AFF3: variants seen among roughly 807,000 people sequenced by gnomAD.
The protein encoded by AFF3 is ALF transcription elongation factor 3.
In AFF3, 32 loss-of-function variants were observed where a neutral mutation model predicts 129.7. The observed-to-expected ratio is 0.25, with a 90% CI of 0.19 to 0.33. The LOEUF (loss-of-function observed/expected upper bound fraction) is 0.33. Ranked by LOEUF, AFF3 falls within the 10% of genes least tolerant of loss-of-function variation. The pLI is 1.00. For missense variants in AFF3, 1,373 were observed against 1,592.0 expected (o/e 0.86, Z 2.34); for synonymous variants, 644 against 635.4 (o/e 1.01, Z -0.20).
chr2:100,104,787 C>CCCGCCGCCGCCGCCGCCG (rs1458414580), intron 3 of AFF3: 1 of 819,226 alleles, frequency 1.2e-6, no homozygotes, highest in Non-Finnish European at 1.4e-6. Flanking sequence ...GGCGGCCCGG[C>CCCGCCGCCGCCGCCGCCG]CCGCTGCTGC....
intron 13 of AFF3, among the ~76,000 whole-genome samples, chr2:99,611,330 A>G (rs1680898381): frequency 6.6e-6 from 1 of 152,126 alleles, no homozygotes; most frequent in Admixed American, 6.5e-5. Context: ...TTTCTCATTC[A>G]AGTTGAGATT....
At chr2:99,725,064 G>A (rs550006256) in intron 11 of AFF3, among the ~76,000 whole-genome samples, 1 of 151,526 alleles carries the variant, frequency 6.6e-6, no homozygotes, top group African/African-American at 2.4e-5. Context: ...TCCGCCTCCC[G>A]GGTTCAAGTG....
intron 13 of AFF3, among the ~76,000 whole-genome samples, chr2:99,619,215 GT>G (rs1575522882): frequency 1.3e-5 from 2 of 152,328 alleles, no homozygotes; most frequent in East Asian, 3.9e-4. Context: ...TCTCTCCTGT[GT>G]TTAAAGCAAA....
chr2:99,583,000 C>G lies in AFF3; in HGVS notation c.2592-1G>C, dbSNP rs752013362. 6.2e-7 allele frequency: 1 copy of G among 1,613,458 alleles called. No homozygotes were observed. The highest frequency in any genetic ancestry group is 1.1e-5 in the South Asian group (1 of 91,070). On this transcript the variant is annotated splice_acceptor_variant, in intron 16 of 24. Coordinates refer to ENST00000672756, the MANE Select transcript of AFF3 (RefSeq NM_001386135.1). LOFTEE classifies it high-confidence loss of function. ...ATTTTTATTTATTGGTATTGCCACA[C>G]TGAAAAAGGAAATTACGGTAATGGA...
At position 100,106,690 on chromosome 2, in the gene AFF3, C is replaced by T. The variant is rs192566678; in HGVS notation, c.-144-1107G>A. 23 of 986,034 alleles carry T rather than the reference C, an allele frequency of 2.3e-5. No homozygotes were observed. In the East Asian group the frequency reaches 2.0e-3, roughly 88 times the overall value. The allele number at this position is 986,034 out of a possible 1,614,324, so 61.1% of individuals were successfully genotyped here. ...CTGGGAAGCTTCTTCAGAAAGGAGA[C>T]CTCCCGGCCCTCACCGGGATCTGGC... On this transcript the variant is annotated intron_variant, in intron 2 of 24. Coordinates refer to ENST00000672756, the MANE Select transcript of AFF3 (RefSeq NM_001386135.1).
intron 7 of AFF3, among the ~76,000 whole-genome samples, chr2:99,900,889 C>T (rs1039008573): frequency 6.6e-6 from 1 of 152,194 alleles, no homozygotes; most frequent in African/African-American, 2.4e-5. Context: ...TCCGTGACGG[C>T]AGGTTGCTAG....
chr2:99,753,101 T>C (rs770560839), intron 8 of AFF3, among the ~76,000 whole-genome samples: 5 of 152,046 alleles, frequency 3.3e-5, no homozygotes, highest in Non-Finnish European at 7.4e-5. Context: ...CCTATTATTA[T>C]TATTATTATT....
chr2:99,577,422 C>T (rs1677103573), intron 18 of AFF3, among the ~76,000 whole-genome samples: 2 of 152,094 alleles, frequency 1.3e-5, no homozygotes, highest in Admixed American at 1.3e-4. Context: ...TGGCATTTGT[C>T]ACTGGGACTC....
chr2:99,972,320 A>G (rs1163836060), intron 7 of AFF3, among the ~76,000 whole-genome samples: 1 of 152,250 alleles, frequency 6.6e-6, no homozygotes, highest in African/African-American at 2.4e-5. Context: ...GGACAGAAGC[A>G]AGTCCAAGAG....
chr2:99,647,147 TG>T (rs1684768277), intron 13 of AFF3, among the ~76,000 whole-genome samples: 1 of 152,228 alleles, frequency 6.6e-6, no homozygotes, highest in African/African-American at 2.4e-5. Context: ...ATCCCATTAA[TG>T]GGTATATACC....
intron 7 of AFF3, among the ~76,000 whole-genome samples, chr2:99,963,836 G>T (rs1677470289): frequency 6.6e-6 from 1 of 152,006 alleles, no homozygotes; most frequent in African/African-American, 2.4e-5. Flanking sequence ...GATTGTCAGA[G>T]TGGATAAAAT....
At chr2:100,084,356 A>T (rs1689263323) in intron 4 of AFF3, among the ~76,000 whole-genome samples, 2 of 152,236 alleles carry the variant, frequency 1.3e-5, no homozygotes, top group African/African-American at 2.4e-5. Flanking sequence ...TGAGGTACGT[A>T]TTATTCTTTC....
intron 15 of AFF3, among the ~76,000 whole-genome samples, chr2:99,588,942 C>T (rs1678392179): frequency 6.6e-6 from 1 of 152,178 alleles, no homozygotes; most frequent in Non-Finnish European, 1.5e-5. Context: ...AGCCAGGTGT[C>T]AGGCTTACTG....
intron 8 of AFF3, among the ~76,000 whole-genome samples, chr2:99,829,980 G>T (rs995583666): frequency 6.6e-6 from 1 of 152,138 alleles, no homozygotes; most frequent in African/African-American, 2.4e-5. Flanking sequence ...TCCTTTGCAG[G>T]GACATAGATG....
chr2:99,591,278 C>T (rs1678654480), intron 15 of AFF3, among the ~76,000 whole-genome samples: 1 of 152,070 alleles, frequency 6.6e-6, no homozygotes, highest in South Asian at 2.1e-4. Context: ...CCTCCGCCTC[C>T]CAGGTTCAAG....
intron 7 of AFF3, among the ~76,000 whole-genome samples, chr2:99,979,762 C>T (rs988437595): frequency 1.3e-5 from 2 of 152,186 alleles, no homozygotes; most frequent in Non-Finnish European, 2.9e-5. Flanking sequence ...GGATTATAGG[C>T]ATGAGCCACT....
At chr2:99,881,028 G>A (rs1211263201) in intron 7 of AFF3, among the ~76,000 whole-genome samples, 2 of 152,122 alleles carry the variant, frequency 1.3e-5, no homozygotes, top group Non-Finnish European at 2.9e-5. Context: ...ATTTCTGATA[G>A]AAACAAATCC....
At chr2:99,921,336 C>T (rs1464226293) in intron 7 of AFF3, among the ~76,000 whole-genome samples, 1 of 151,978 alleles carries the variant, frequency 6.6e-6, no homozygotes, top group East Asian at 1.9e-4. Context: ...CTATAAAAGA[C>T]AAGGGAAGAC....
chr2:99,989,551 T>C lies in AFF3; in HGVS notation c.873+17081A>G, dbSNP rs76818842. On this transcript the variant is annotated intron_variant, in intron 7 of 24. Transcript: ENST00000672756. ...TAAAGGAATCAAAATATGTTTGGAA[T>C]AGAATAGGATCTAATTAAATACACC... Among the ~76,000 whole-genome samples, 563 of 152,354 alleles carry C rather than the reference T, an allele frequency of 3.7e-3. 5 individuals carry two copies. The highest frequency in any genetic ancestry group is 0.013 in the African/African-American group (532 of 41,578).
Sources: gnomAD v4.1 joint callset for allele counts (sites outside exome capture counted in the v4.1 genomes callset) on GRCh38, gnomAD v4.1.1 for gene constraint, MANE v1.5 for transcripts, NCBI Gene and HGNC (gene_info 2026-07-23, HGNC 2026-07-21) for gene names.